CHD7: variants seen among roughly 807,000 people sequenced by gnomAD.
CHD7 encodes the protein chromodomain helicase DNA binding protein 7, also known as ATP-dependent chromatin remodeler CHD7.
In CHD7, 24 loss-of-function variants were observed where a neutral mutation model predicts 307.3. That is an observed-to-expected ratio of 0.08 (90% CI 0.06 to 0.11). The LOEUF (loss-of-function observed/expected upper bound fraction) is 0.11, where lower values mean the gene tolerates loss of function less well. Ranked by LOEUF, CHD7 falls within the 10% of genes least tolerant of loss-of-function variation. The pLI, the probability that CHD7 is intolerant of heterozygous loss-of-function variation, is 1.00. For missense variants in CHD7, 3,106 were observed against 3,727.1 expected (o/e 0.83, Z 4.34); for synonymous variants, 1,363 against 1,349.9 (o/e 1.01, Z -0.21).
chr8:60,852,809 T>C lies in CHD7; in HGVS notation c.6104-20T>C. ...CCCTTGAATTCTCCCCAAGTAAATA[T>C]GAGCCCTTCTGTGTTACAGAACCGC... On this transcript the variant is annotated intron_variant, in intron 30 of 37. Transcript: ENST00000423902. 6.2e-7 allele frequency: 1 copy of C among 1,609,906 alleles called. No homozygotes were observed. The highest frequency in any genetic ancestry group is 8.5e-7 in the Non-Finnish European group (1 of 1,176,854).
intron 1 of CHD7, among the ~76,000 whole-genome samples, chr8:60,685,539 C>T (rs966811302): frequency 2.6e-5 from 4 of 152,136 alleles, no homozygotes; most frequent in African/African-American, 9.7e-5. Flanking sequence ...CCCCCATGTT[C>T]TCGGGGCTGC....
At chr8:60,745,418 A>G (rs1339171802) in intron 2 of CHD7, among the ~76,000 whole-genome samples, 2 of 152,110 alleles carry the variant, frequency 1.3e-5, no homozygotes, top group African/African-American at 2.4e-5. Flanking sequence ...TTCAGAGGAC[A>G]TGTGTGAGTC....
chr8:60,814,295 G>A (rs1812945165), intron 7 of CHD7, among the ~76,000 whole-genome samples: 1 of 152,192 alleles, frequency 6.6e-6, no homozygotes, highest in Non-Finnish European at 1.5e-5. Context: ...TTATATGCTT[G>A]TGTCCAGTTC....
At chr8:60,812,579 G>T (rs146015852) in intron 7 of CHD7, among the ~76,000 whole-genome samples, 5 of 150,102 alleles carry the variant, frequency 3.3e-5, no homozygotes, top group Admixed American at 2.0e-4. Flanking sequence ...CAGGAGAATC[G>T]CTTGAACCCG....
intron 1 of CHD7, among the ~76,000 whole-genome samples, chr8:60,689,952 C>A (rs377081744): frequency 6.6e-6 from 1 of 152,134 alleles, no homozygotes; most frequent in Non-Finnish European, 1.5e-5. Flanking sequence ...GAGTTGCCTT[C>A]GAAAAAACTC....
chr8:60,680,604 CGTGAAGCGAGCGGCGCGGAGAGTGCTCCT>C (rs1563509901), intron 1 of CHD7, among the ~76,000 whole-genome samples: 2 of 152,080 alleles, frequency 1.3e-5, no homozygotes, highest in African/African-American at 4.8e-5. Flanking sequence ...TGAGCGCCCC[CGTGAAGCGAGCGGCGCGGAGAGTGCTCCT>C]GCTATGGGTC....
At chr8:60,833,637 C>T (rs536392337) in intron 15 of CHD7, among the ~76,000 whole-genome samples, 1 of 152,314 alleles carries the variant, frequency 6.6e-6, no homozygotes, top group Middle Eastern at 3.4e-3. Context: ...AGACTTCAAG[C>T]TGTAAGTGAA....
In CHD7 at chr8:60,865,957, G is replaced by A; in HGVS notation, c.*24G>A. ...AACCAGTACCAGTTCCAGTTCAAGTGTTTAAAACTTTTGACAAGTGGTAGT... is the reference window on the plus strand; with the variant it reads ...AACCAGTACCAGTTCCAGTTCAAGTATTTAAAACTTTTGACAAGTGGTAGT... On this transcript the variant is annotated 3_prime_UTR_variant, in exon 38 of 38. Transcript: ENST00000423902. The surrounding 1 kb of genome is among the most constrained non-coding windows in gnomAD (Gnocchi z 4.3). 2 of 1,569,168 alleles carry A rather than the reference G, an allele frequency of 1.3e-6. No homozygotes were observed. The highest frequency in any genetic ancestry group is 1.9e-5 in the Admixed American group (1 of 53,408).
At chr8:60,811,596 C>T (rs531881268) in intron 7 of CHD7, among the ~76,000 whole-genome samples, 1 of 152,174 alleles carries the variant, frequency 6.6e-6, no homozygotes, top group East Asian at 1.9e-4. Flanking sequence ...GTGTAAGTGG[C>T]TTCTGATGTT....
chr8:60,806,057 A>G (rs1302707340), intron 6 of CHD7, among the ~76,000 whole-genome samples: 1 of 152,008 alleles, frequency 6.6e-6, no homozygotes, highest in Non-Finnish European at 1.5e-5. Flanking sequence ...GTTCTATATA[A>G]AGATAATATA....
intron 1 of CHD7, among the ~76,000 whole-genome samples, chr8:60,689,530 C>T (rs1806089736): frequency 6.6e-6 from 1 of 152,210 alleles, no homozygotes; most frequent in Admixed American, 6.5e-5. Context: ...GCTCATTTAA[C>T]AGCCTGTAGC....
intron 1 of CHD7, among the ~76,000 whole-genome samples, chr8:60,681,709 C>T (rs746528386): frequency 5.3e-5 from 8 of 152,080 alleles, no homozygotes; most frequent in Non-Finnish European, 1.0e-4. Flanking sequence ...TTTTGTCAGG[C>T]TTGTAACAGG....
At chr8:60,714,822 C>T (rs1807501895) in intron 1 of CHD7, among the ~76,000 whole-genome samples, 1 of 152,220 alleles carries the variant, frequency 6.6e-6, no homozygotes, top group Non-Finnish European at 1.5e-5. Context: ...ACTTGTAATT[C>T]TGTGTTCCAG....
intron 14 of CHD7, 121 bp from the exon 15 acceptor site, chr8:60,830,200 TG>T: frequency 9.9e-7 from 1 of 1,012,250 alleles, no homozygotes; most frequent in Non-Finnish European, 1.4e-6. Flanking sequence ...ATACTCTCAC[TG>T]GGCTTTGAAA....
intron 1 of CHD7, among the ~76,000 whole-genome samples, chr8:60,688,023 A>G (rs376942952): frequency 1.3e-5 from 2 of 151,676 alleles, no homozygotes; most frequent in African/African-American, 2.4e-5. Flanking sequence ...AGCCCAGGCT[A>G]TTTTTTTCTG....
At chr8:60,782,795 G>T (rs1416094554) in intron 3 of CHD7, among the ~76,000 whole-genome samples, 1 of 152,118 alleles carries the variant, frequency 6.6e-6, no homozygotes, top group African/African-American at 2.4e-5. Context: ...TTAAGAGTTA[G>T]GGATGTAAGG....
chr8:60,740,844 C>T (rs925184580), intron 1 of CHD7, among the ~76,000 whole-genome samples: 5 of 152,192 alleles, frequency 3.3e-5, no homozygotes, highest in South Asian at 2.1e-4. Flanking sequence ...AGGTTAAGGG[C>T]GGGCTGTTGG....
intron 1 of CHD7, among the ~76,000 whole-genome samples, chr8:60,740,448 A>G (rs1370568196): frequency 1.3e-5 from 2 of 152,224 alleles, no homozygotes; most frequent in Non-Finnish European, 2.9e-5. Context: ...GCGGGTGAAT[A>G]ATGAGCCTGG....
intron 2 of CHD7, among the ~76,000 whole-genome samples, chr8:60,750,462 A>C (rs774599887): frequency 3.3e-5 from 5 of 152,206 alleles, no homozygotes; most frequent in Non-Finnish European, 5.9e-5. Context: ...TTGTGTACTT[A>C]CTATGTTCTA....
Sources: allele counts gnomAD v4.1 joint callset (sites outside exome capture counted in the v4.1 genomes callset), GRCh38; gene constraint gnomAD v4.1.1; non-coding constraint Gnocchi (gnomAD v3.1); transcripts MANE v1.5; gene names NCBI Gene and HGNC (gene_info 2026-07-23, HGNC 2026-07-21).